The following SMAD1 variants were observed in gnomAD, a reference collection of about 807,000 sequenced individuals.
The protein encoded by SMAD1 is MAD, mothers against decapentaplegic homolog 1.
In SMAD1, 6 loss-of-function variants were observed where a neutral mutation model predicts 41.6. The ratio of observed to expected loss-of-function variants is 0.14; its 90% CI spans 0.08 to 0.28. The LOEUF (loss-of-function observed/expected upper bound fraction) is 0.28, where lower values mean the gene tolerates loss of function less well. Among genes scored for constraint, SMAD1 ranks in the 10% least tolerant of loss-of-function variants. The pLI is 1.00. For synonymous variants in SMAD1, 206 were observed against 203.2 expected (o/e 1.01, Z -0.12); for missense variants, 379 against 582.6 (o/e 0.65, Z 3.60).
At chr4:145,515,054 G>C in intron 2 of SMAD1, 41 bp downstream of exon 2, 1 of 1,533,650 alleles carries the variant, frequency 6.5e-7, no homozygotes, top group Non-Finnish European at 8.8e-7. Context: ...TGTGTGCCCA[G>C]TACCAGATTT....
intron 4 of SMAD1, chr4:145,545,094 A>G (rs1270767492): frequency 6.6e-6 from 1 of 151,230 alleles, no homozygotes; most frequent in Non-Finnish European, 1.5e-5. Flanking sequence ...TGATTTTCCT[A>G]GAGCAGGGGT....
intron 1 of SMAD1, among the ~76,000 whole-genome samples, chr4:145,508,985 AG>A (rs1729933991): frequency 6.6e-6 from 1 of 152,210 alleles, no homozygotes. Flanking sequence ...ATGTGAATTT[AG>A]GGAGGGGATA....
At position 145,558,561 on chromosome 4, in the gene SMAD1, G is replaced by A. The variant is rs76148337; in HGVS notation, c.*627G>A. Among the ~76,000 whole-genome samples, 488 of 152,252 alleles carry A rather than the reference G, an allele frequency of 3.2e-3. 5 individuals are homozygous for A. The highest frequency in any genetic ancestry group is 5.7e-3 in the Non-Finnish European group (387 of 68,012). ...TATGTACAGAGTATTTGGAAGTTAA[G>A]AATTGATTAGACTAGTGAATTTAGG... On this transcript the variant is annotated 3_prime_UTR_variant, in exon 7 of 7. Coordinates refer to ENST00000302085, the MANE Select transcript of SMAD1 (RefSeq NM_005900.3).
rs564072960 is a variant in SMAD1, at chr4:145,555,277, T to G, written c.1254+1237T>G. Among the ~76,000 whole-genome samples, 49 of 152,356 alleles carry G rather than the reference T, an allele frequency of 3.2e-4. No individual in the cohort carries two copies. The South Asian group carries it at 9.3e-3, about 29-fold the overall frequency. ...GTGCTGTTTAATTTTTGACTTAGCA[T>G]TTGGCTCAAATGATTTTTAAAATAA... is the stretch of plus-strand genomic sequence containing the variant. On this transcript the variant is annotated intron_variant, in intron 6 of 6. Coordinates refer to ENST00000302085, the MANE Select transcript of SMAD1 (RefSeq NM_005900.3).
At chr4:145,510,219 T>C (rs944626521) in intron 1 of SMAD1, among the ~76,000 whole-genome samples, 4 of 152,176 alleles carry the variant, frequency 2.6e-5, no homozygotes, top group Non-Finnish European at 5.9e-5. Context: ...TCCAATTTTA[T>C]TAGTATTTTC....
intron 2 of SMAD1, among the ~76,000 whole-genome samples, chr4:145,520,036 AAAAACTGCAGT>A (rs1486120646): frequency 6.6e-6 from 1 of 152,264 alleles, no homozygotes. Flanking sequence ...AGGGAAATGC[AAAAACTGCAGT>A]AAGATATACC....
intron 2 of SMAD1, 55 bp downstream of exon 2, chr4:145,515,068 T>G: frequency 2.0e-6 from 3 of 1,499,348 alleles, no homozygotes; most frequent in South Asian, 1.3e-5. Context: ...CAGATTTGTG[T>G]TGTTTAGAAC....
chr4:145,499,264 C>A (rs1367345013), intron 1 of SMAD1, among the ~76,000 whole-genome samples: 1 of 152,216 alleles, frequency 6.6e-6, no homozygotes, highest in Non-Finnish European at 1.5e-5. Context: ...GTGGAAAATT[C>A]TGCACCTAAC....
chr4:145,544,201 G>C (rs115925386), intron 4 of SMAD1: 1 of 152,006 alleles, frequency 6.6e-6, no homozygotes, highest in East Asian at 1.9e-4. Flanking sequence ...AGGAAGGTGT[G>C]GGGGTGGGGG....
intron 2 of SMAD1, among the ~76,000 whole-genome samples, chr4:145,538,328 A>G (rs1407527335): frequency 1.3e-5 from 2 of 152,192 alleles, no homozygotes; most frequent in African/African-American, 2.4e-5. Flanking sequence ...TATGCTTTTA[A>G]TGGTTTGGTT....
chr4:145,493,715 T>C (rs1728901533), intron 1 of SMAD1, among the ~76,000 whole-genome samples: 1 of 152,224 alleles, frequency 6.6e-6, no homozygotes, highest in Admixed American at 6.5e-5. Context: ...TCCTTTTTTG[T>C]TAAGCTGATA....
intron 6 of SMAD1, 119 bp downstream of exon 6, chr4:145,554,159 A>T: frequency 1.1e-6 from 1 of 929,130 alleles, no homozygotes. Context: ...ATATTAGCTG[A>T]CTTATTATCT....
At chr4:145,540,389 C>T (rs977586712) in intron 3 of SMAD1, among the ~76,000 whole-genome samples, 1 of 152,252 alleles carries the variant, frequency 6.6e-6, no homozygotes, top group Middle Eastern at 3.2e-3. Flanking sequence ...TACCGTGTTA[C>T]ACACATTTGC....
chr4:145,519,513 G>C (rs1730618032), intron 2 of SMAD1, among the ~76,000 whole-genome samples: 3 of 150,130 alleles, frequency 2.0e-5, no homozygotes, highest in Admixed American at 2.0e-4. Context: ...TAATTAGCGA[G>C]GCATGGTGGC....
intron 1 of SMAD1, among the ~76,000 whole-genome samples, chr4:145,490,358 G>A (rs1041902104): frequency 6.6e-5 from 10 of 152,186 alleles, no homozygotes; most frequent in African/African-American, 2.4e-4. Context: ...TTGGAGGTAA[G>A]TCCTTTCACT....
chr4:145,516,619 T>G (rs1030193872), intron 2 of SMAD1, among the ~76,000 whole-genome samples: 2 of 152,254 alleles, frequency 1.3e-5, no homozygotes, highest in African/African-American at 2.4e-5. Flanking sequence ...CTTACCAGTT[T>G]GGATATAGAC....
chr4:145,485,628 A>G (rs764052158), intron 1 of SMAD1, among the ~76,000 whole-genome samples: 11 of 152,224 alleles, frequency 7.2e-5, no homozygotes, highest in Non-Finnish European at 1.5e-4. Context: ...AACTAATTTT[A>G]TCACTAACTA....
intron 5 of SMAD1, 48 bp from the exon 6 acceptor site, chr4:145,553,736 G>A (rs1329479932): frequency 6.4e-7 from 1 of 1,554,862 alleles, no homozygotes; most frequent in Admixed American, 1.7e-5. Flanking sequence ...GTGCCTTTGA[G>A]CTGTAAAAAT....
chr4:145,533,324 A>G (rs1458852908), intron 2 of SMAD1, among the ~76,000 whole-genome samples: 1 of 152,234 alleles, frequency 6.6e-6, no homozygotes, highest in Non-Finnish European at 1.5e-5. Flanking sequence ...CCTATTACTA[A>G]TTACATTGGA....
Sources: allele counts gnomAD v4.1 joint callset (sites outside exome capture counted in the v4.1 genomes callset), GRCh38; gene constraint gnomAD v4.1.1; transcripts MANE v1.5; gene names NCBI Gene and HGNC (gene_info 2026-07-23, HGNC 2026-07-21).